Variants in CRHR2 observed in about 807,000 individuals in gnomAD.
CRHR2 encodes the protein corticotropin releasing hormone receptor 2, also known as corticotropin-releasing hormone receptor 2.
A neutral mutation model predicts 57.9 loss-of-function variants in CRHR2; 53 were observed. The observed-to-expected ratio is 0.92, with a 90% CI of 0.73 to 1.15. The LOEUF (loss-of-function observed/expected upper bound fraction) is 1.15. Among genes scored for constraint, CRHR2 ranks in the 50% most tolerant of loss-of-function variants. CRHR2 has a pLI of 0.00. For missense variants in CRHR2, 532 were observed against 542.6 expected, an observed-to-expected ratio of 0.98 and a Z score of 0.19; for synonymous variants, 213 against 220.9, an observed-to-expected ratio of 0.96 and a Z score of 0.32.
At chr7:30,680,818 T>TTGTGTGTGTGTGTGTGTGTG (rs60568949) in intron 2 of CRHR2, among the ~76,000 whole-genome samples, 4 of 145,370 alleles carry the variant, frequency 2.8e-5, no homozygotes, top group African/African-American at 1.0e-4. Flanking sequence ...TTCTGAAAGC[T>TTGTGTGTGTGTGTGTGTGTG]TGTGTGTGTG....
At chr7:30,679,649 C>T (rs181000958) in intron 2 of CRHR2, among the ~76,000 whole-genome samples, 6 of 152,258 alleles carry the variant, frequency 3.9e-5, no homozygotes, top group African/African-American at 1.4e-4. Flanking sequence ...GGCTTCAATG[C>T]GGGTTTGGCT....
At chr7:30,684,338 G>A (rs902980607), upstream of CRHR2, among the ~76,000 whole-genome samples, 2 of 152,194 alleles carry the variant, frequency 1.3e-5, no homozygotes, top group African/African-American at 2.4e-5. Context: ...CACACAGCAC[G>A]GTGCAGCACA....
chr7:30,691,863 G>A (rs959776416), intron 1 of CRHR2, among the ~76,000 whole-genome samples: 10 of 152,148 alleles, frequency 6.6e-5, no homozygotes, highest in Admixed American at 2.6e-4. Context: ...GTGATGGGTG[G>A]GCAGGGAGGA....
intron 2 of CRHR2, among the ~76,000 whole-genome samples, chr7:30,674,424 G>A (rs1473930263): frequency 6.6e-6 from 1 of 152,232 alleles, no homozygotes; most frequent in Non-Finnish European, 1.5e-5. Context: ...GACCCCTGTG[G>A]CAGAAGCTGC....
intron 2 of CRHR2, among the ~76,000 whole-genome samples, chr7:30,669,939 ACTC>A (rs1241150530): frequency 6.6e-6 from 1 of 151,436 alleles, no homozygotes; most frequent in Non-Finnish European, 1.5e-5. Flanking sequence ...TCACGGATGA[ACTC>A]CTACCCATCT....
Position 30,681,948 on chromosome 7 carries a change from CG to C in CRHR2, c.195del (p.Glu66SerfsTer85). ...TTGTACTTGACGCCGTTGAAGTACTCGGGGCACGGCCTCTCCACGAGGGCTC... is the reference window on the plus strand; with the variant it reads ...TTGTACTTGACGCCGTTGAAGTACTCGGGCACGGCCTCTCCACGAGGGCTC... The part of the protein sequence containing the change: ...AAGALVERPC[P>X]EYFNGVKYNT... On this transcript the variant is annotated frameshift_variant, in exon 2 of 12. Coordinates refer to ENST00000471646, the MANE Select transcript of CRHR2 (RefSeq NM_001883.5). LOFTEE classifies it high-confidence loss of function. 6.2e-7 allele frequency: 1 copy of C among 1,612,002 alleles called. No homozygotes were observed.
rs1298313614 is a variant in CRHR2 at position 30,665,492 on chromosome 7, A to G, written c.425+38T>C. 2 of 1,478,068 alleles carry G rather than the reference A, an allele frequency of 1.4e-6. No individual in the cohort carries two copies. The highest frequency in any genetic ancestry group is 1.9e-6 in the Non-Finnish European group (2 of 1,080,912). The allele number at this position is 1,478,068 out of a possible 1,614,324, so 91.6% of individuals were successfully genotyped here. A position where few individuals can be genotyped will look rare whatever the true frequency, so the allele number is the denominator to read the frequency against. On this transcript the variant is annotated intron_variant, in intron 4 of 11. Transcript: ENST00000471646. The surrounding 1 kb of genome is among the most constrained non-coding windows in gnomAD (Gnocchi z 4.5). ...GAGGTGAAGGGGGTGCTGTAGGGGG[A>G]GGGATGAGGAGAAAGCAAGGCGGAA... is the stretch of plus-strand genomic sequence containing the variant.
At chr7:30,671,874 T>C (rs989655520) in intron 2 of CRHR2, among the ~76,000 whole-genome samples, 1 of 129,666 alleles carries the variant, frequency 7.7e-6, no homozygotes, top group Non-Finnish European at 1.5e-5. Context: ...AGAAGGAGGA[T>C]GAAGAGGAGG....
At chr7:30,673,670 C>T (rs1221382116) in intron 2 of CRHR2, among the ~76,000 whole-genome samples, 1 of 152,214 alleles carries the variant, frequency 6.6e-6, no homozygotes, top group Non-Finnish European at 1.5e-5. Flanking sequence ...AGTCCTAGTA[C>T]TAACAGCATG....
chr7:30,656,034 GA>G lies in CRHR2; in HGVS notation c.832-23del. ...TGATCTGGAGGGAGGGCGGGCATGG[GA>G]AAGAGGGAAAAGGAAGGAGCACGTG... On this transcript the variant is annotated intron_variant, in intron 8 of 11. Coordinates refer to ENST00000471646, the MANE Select transcript of CRHR2 (RefSeq NM_001883.5). The surrounding 1 kb of genome is among the most constrained non-coding windows in gnomAD (Gnocchi z 4.4). 1 of 1,562,364 alleles carries G rather than the reference GA, an allele frequency of 6.4e-7. No homozygotes were observed. The highest frequency in any genetic ancestry group is 8.8e-7 in the Non-Finnish European group (1 of 1,135,300).
chr7:30,674,143 TACAG>T (rs372060782), intron 2 of CRHR2, among the ~76,000 whole-genome samples: 1 of 152,274 alleles, frequency 6.6e-6, no homozygotes, highest in African/African-American at 2.4e-5. Context: ...TAAGCACACT[TACAG>T]GAGACAGTGG....
chr7:30,690,910 A>T (rs1584141376), intron 1 of CRHR2, among the ~76,000 whole-genome samples: 2 of 152,118 alleles, frequency 1.3e-5, no homozygotes, highest in African/African-American at 4.8e-5. Context: ...GTGTCTCGGC[A>T]CTGTGGGGGC....
At chr7:30,680,818 TTGTGTGTGTGTGTGTGTGTG>T (rs60568949) in intron 2 of CRHR2, among the ~76,000 whole-genome samples, 1 of 145,368 alleles carries the variant, frequency 6.9e-6, no homozygotes, top group Non-Finnish European at 1.5e-5. Context: ...TTCTGAAAGC[TTGTGTGTGTGTGTGTGTGTG>T]TGTGTGTGTG....
At chr7:30,661,977 C>T (rs1784015982) in intron 7 of CRHR2, among the ~76,000 whole-genome samples, 179 bp downstream of exon 7, 1 of 152,196 alleles carries the variant, frequency 6.6e-6, no homozygotes, top group Non-Finnish European at 1.5e-5. Context: ...TTGAGCCCTA[C>T]CATGTGAGTA....
At chr7:30,695,144 G>T (rs1040217806) in intron 1 of CRHR2, among the ~76,000 whole-genome samples, 1 of 150,034 alleles carries the variant, frequency 6.7e-6, no homozygotes, top group Non-Finnish European at 1.5e-5. Context: ...GCAGAAATGG[G>T]AGCTGAGACT....
chr7:30,677,726 C>T (rs1230403186), intron 2 of CRHR2, among the ~76,000 whole-genome samples: 1 of 152,168 alleles, frequency 6.6e-6, no homozygotes, highest in Non-Finnish European at 1.5e-5. Flanking sequence ...TGGAGGCCCC[C>T]AGATGGAGAC....
At chr7:30,691,146 A>G (rs1784954547) in intron 1 of CRHR2, among the ~76,000 whole-genome samples, 1 of 152,224 alleles carries the variant, frequency 6.6e-6, no homozygotes, top group African/African-American at 2.4e-5. Flanking sequence ...AAGAATTCTC[A>G]GGCCATACTT....
At position 30,662,850 on chromosome 7, in the gene CRHR2, G is replaced by C. The variant is rs1383150071; in HGVS notation, c.544-3C>G. On this transcript the variant is annotated splice_region_variant and splice_polypyrimidine_tract_variant and intron_variant, in intron 5 of 11. Coordinates refer to ENST00000471646, the MANE Select transcript of CRHR2 (RefSeq NM_001883.5). Reference sequence around the variant, plus strand: ...GTGGTGATGCAGCGGCACCAGACCTGTGTGCAGGGCAGAGAGGCTGTCAGG... The same window carrying C: ...GTGGTGATGCAGCGGCACCAGACCTCTGTGCAGGGCAGAGAGGCTGTCAGG... The C allele has an allele frequency of 1.2e-6, 2 of 1,613,990 alleles. No homozygotes were observed. The highest frequency in any genetic ancestry group is 3.3e-5 in the Admixed American group (2 of 60,028).
At position 30,691,767 on chromosome 7, in the gene CRHR2, G is replaced by C. The variant is rs570323709; in HGVS notation, c.-260-2483C>G. On this transcript the variant is annotated intron_variant, in intron 1 of 13. Coordinates refer to the CRHR2 transcript ENST00000341843. ...GCCAAAGATACTCATTCTCTTCAAGGGGCTTGTTTGGGTGGATTTGACTCA... is the reference window on the plus strand; with the variant it reads ...GCCAAAGATACTCATTCTCTTCAAGCGGCTTGTTTGGGTGGATTTGACTCA... Among the ~76,000 whole-genome samples the C allele has an allele frequency of 1.4e-3, 209 of 152,294 alleles. 2 individuals are homozygous for C. Among genetic ancestry groups the C allele is most frequent in the African/African-American group, 4.6e-3 (192 of 41,554 alleles).
Sources: gnomAD v4.1 joint callset for allele counts (sites outside exome capture counted in the v4.1 genomes callset) on GRCh38, gnomAD v4.1.1 for gene constraint, Gnocchi (gnomAD v3.1) non-coding constraint, MANE v1.5 for transcripts, NCBI Gene and HGNC (gene_info 2026-07-23, HGNC 2026-07-21) for gene names.